The following NARS2 variants were observed in gnomAD, a reference collection of about 807,000 sequenced individuals.
NARS2 encodes asparaginyl-tRNA synthetase.
A neutral mutation model predicts 62.9 loss-of-function variants in NARS2; 60 were observed. The ratio of observed to expected loss-of-function variants is 0.95; its 90% CI spans 0.77 to 1.18. The LOEUF is 1.18. Among genes scored for constraint, NARS2 ranks in the 50% most tolerant of loss-of-function variants. The pLI is 0.00. For missense variants in NARS2, 619 were observed against 576.4 expected (o/e 1.07, Z -0.76); for synonymous variants, 196 against 200.0 (o/e 0.98, Z 0.17).
At chr11:78,562,403 C>A (rs1856587799) in intron 4 of NARS2, among the ~76,000 whole-genome samples, 2 of 152,102 alleles carry the variant, frequency 1.3e-5, no homozygotes, top group Admixed American at 1.3e-4. Flanking sequence ...GCACTCCAGC[C>A]CGGACAACAG....
Position 78,574,521 on chromosome 11 carries a change from C to T in NARS2, c.-33G>A. 1.3e-6 allele frequency: 2 copies of T among 1,572,448 alleles called. No individual in the cohort carries two copies. Among genetic ancestry groups the T allele is most frequent in the South Asian group, 1.1e-5 (1 of 88,274 alleles). Reference sequence around the variant, plus strand: ...CCGCCCAGGCCCTCCGCGGGAGCAGCCCAGACCCCACGGTTCGAACCCCGC... The same window carrying T: ...CCGCCCAGGCCCTCCGCGGGAGCAGTCCAGACCCCACGGTTCGAACCCCGC... On this transcript the variant is annotated 5_prime_UTR_variant, in exon 1 of 14. Coordinates refer to ENST00000281038, the MANE Select transcript of NARS2 (RefSeq NM_024678.6).
Position 78,478,163 on chromosome 11 carries a change from AAT to A in NARS2, c.959+273_959+274del, listed in dbSNP as rs145427869. ...AAGTTTGAATTATAGTTACATAGTT[AAT>A]AGTTACTAGATTTTATCTTGCTATG... On this transcript the variant is annotated intron_variant, in intron 9 of 13. Coordinates refer to ENST00000281038, the MANE Select transcript of NARS2 (RefSeq NM_024678.6). Among the ~76,000 whole-genome samples the A allele has an allele frequency of 0.02, 3,069 of 152,256 alleles. 97 individuals carry two copies. The highest frequency in any genetic ancestry group is 0.07 in the African/African-American group (2,903 of 41,524).
chr11:78,533,128 C>G (rs1861539530), intron 5 of NARS2: 1 of 152,194 alleles, frequency 6.6e-6, no homozygotes, highest in South Asian at 2.1e-4. Context: ...GTTTTGCCAA[C>G]AGCTGGAGCC....
At position 78,574,717 on chromosome 11, in the gene NARS2, G is replaced by C; in HGVS notation, c.-229C>G. 2.0e-6 allele frequency: 1 copy of C among 511,394 alleles called. No individual in the cohort carries two copies. Among genetic ancestry groups the C allele is most frequent in the Non-Finnish European group, 3.4e-6 (1 of 291,884 alleles). 31.7% of individuals were successfully genotyped at this position (511,394 alleles called of 1,614,324 possible). A position where few individuals can be genotyped will look rare whatever the true frequency, so the allele number is the denominator to read the frequency against. On this transcript the variant is annotated 5_prime_UTR_variant, in exon 1 of 14. Coordinates refer to ENST00000281038, the MANE Select transcript of NARS2 (RefSeq NM_024678.6). ...CGGGGCGGAATGGACAGGACACTAG[G>C]CAAACGCCAGAAAGAAACCACGTGC...
At chr11:78,475,501 C>G (rs762411068) in intron 9 of NARS2, among the ~76,000 whole-genome samples, 16 of 151,032 alleles carry the variant, frequency 1.1e-4, no homozygotes, top group Non-Finnish European at 1.9e-4. Context: ...CATAATAGCT[C>G]TACTAATTTA....
intron 7 of NARS2, among the ~76,000 whole-genome samples, chr11:78,488,372 T>G (rs1859669299): frequency 6.6e-6 from 1 of 151,780 alleles, no homozygotes; most frequent in African/African-American, 2.4e-5. Context: ...GTGTTGAGAG[T>G]TAGAAAGATT....
intron 5 of NARS2, among the ~76,000 whole-genome samples, chr11:78,530,537 G>T (rs1323424573): frequency 1.3e-5 from 2 of 152,086 alleles, no homozygotes; most frequent in Admixed American, 6.5e-5. Context: ...GCAGTGGCGC[G>T]ATCTTGACTC....
At chr11:78,529,288 G>A (rs953875002) in intron 5 of NARS2, among the ~76,000 whole-genome samples, 2 of 152,140 alleles carry the variant, frequency 1.3e-5, no homozygotes, top group Non-Finnish European at 2.9e-5. Flanking sequence ...ACCTCAAAAG[G>A]TTGACTTATG....
chr11:78,443,501 A>C (rs941154468), intron 12 of NARS2, 160 bp downstream of exon 12: 1 of 453,606 alleles, frequency 2.2e-6, no homozygotes, highest in African/African-American at 1.9e-5. Flanking sequence ...CGGGAAGCTC[A>C]GAGATAAACT....
At chr11:78,529,818 A>G (rs1191038382) in intron 5 of NARS2, among the ~76,000 whole-genome samples, 2 of 152,138 alleles carry the variant, frequency 1.3e-5, no homozygotes, top group Non-Finnish European at 2.9e-5. Flanking sequence ...TGAGTCCCTG[A>G]GCCCAGCTTC....
intron 7 of NARS2, among the ~76,000 whole-genome samples, chr11:78,482,599 G>T (rs1447146442): frequency 6.6e-6 from 1 of 152,162 alleles, no homozygotes; most frequent in Non-Finnish European, 1.5e-5. Flanking sequence ...TACCATCAGA[G>T]AAAAGCATAA....
intron 9 of NARS2, among the ~76,000 whole-genome samples, chr11:78,472,269 C>T (rs1224057705): frequency 1.3e-5 from 2 of 152,066 alleles, no homozygotes; most frequent in Non-Finnish European, 2.9e-5. Context: ...TTCCAAAGTA[C>T]TTTGAGGAAA....
intron 11 of NARS2, among the ~76,000 whole-genome samples, chr11:78,447,700 C>T (rs984325424): frequency 1.3e-5 from 2 of 152,092 alleles, no homozygotes; most frequent in African/African-American, 4.8e-5. Flanking sequence ...ACTTGTGACA[C>T]ATGGATGAAT....
intron 10 of NARS2, among the ~76,000 whole-genome samples, chr11:78,468,004 C>T (rs550654139): frequency 6.7e-5 from 10 of 148,572 alleles, no homozygotes; most frequent in East Asian, 3.9e-4. Context: ...CTACCACACC[C>T]GGCCTATACA....
intron 6 of NARS2, among the ~76,000 whole-genome samples, chr11:78,519,319 A>G (rs116255088): frequency 1.2e-4 from 19 of 152,334 alleles, no homozygotes; most frequent in African/African-American, 4.6e-4. Flanking sequence ...CCAAACAGGA[A>G]TGAAATCAGC....
At chr11:78,471,667 A>G (rs1316180044) in intron 9 of NARS2, among the ~76,000 whole-genome samples, 2 of 145,742 alleles carry the variant, frequency 1.4e-5, no homozygotes, top group Non-Finnish European at 3.0e-5. Context: ...TACATCTCCC[A>G]ATGCTATCCC....
At chr11:78,500,965 G>A (rs10793317) in intron 6 of NARS2, among the ~76,000 whole-genome samples, 114,263 of 151,862 alleles carry the variant, frequency 0.75, 43,414 homozygotes, top group Non-Finnish European at 0.81. Flanking sequence ...GGTGGCATGC[G>A]CCTTTAGTCC....
intron 5 of NARS2, among the ~76,000 whole-genome samples, chr11:78,536,856 A>T (rs1855373512): frequency 6.6e-6 from 1 of 152,232 alleles, no homozygotes; most frequent in African/African-American, 2.4e-5. Context: ...CCAGTCTTGC[A>T]ATGTCCATTC....
intron 6 of NARS2, among the ~76,000 whole-genome samples, chr11:78,503,989 A>G (rs1008268642): frequency 1.5e-4 from 23 of 152,226 alleles, no homozygotes; most frequent in Admixed American, 1.0e-3. Flanking sequence ...GGGTTGAACT[A>G]TTTGAACCGT....
Sources: gnomAD v4.1 joint callset for allele counts (sites outside exome capture counted in the v4.1 genomes callset) on GRCh38, gnomAD v4.1.1 for gene constraint, MANE v1.5 for transcripts, NCBI Gene and HGNC (gene_info 2026-07-23, HGNC 2026-07-21) for gene names.